SFMBT2: variants seen among roughly 807,000 people sequenced by gnomAD.
SFMBT2 encodes the protein Scm like with four mbt domains 2.
SFMBT2 carries 38 observed loss-of-function variants against 110.1 expected under a neutral mutation model. The observed-to-expected ratio is 0.35, with a 90% confidence interval of 0.27 to 0.45. The LOEUF is 0.45. SFMBT2 is among the 20% of genes least tolerant of loss of function. The probability of loss-of-function intolerance (pLI) is 1.00; values close to 1 mark genes in which losing one functional copy is unlikely to be tolerated. For synonymous variants in SFMBT2, 425 were observed against 425.4 expected (o/e 1.00, Z 0.01); for missense variants, 1,011 against 1,094.9 (o/e 0.92, Z 1.08).
chr10:7,171,440 G>C lies in SFMBT2; in HGVS notation c.2416-384C>G. 1.0e-6 allele frequency: 1 copy of C among 985,466 alleles called. No homozygotes were observed. The highest frequency in any genetic ancestry group is 1.2e-6 in the Non-Finnish European group (1 of 829,938). The allele number at this position is 985,466 out of a possible 1,614,324, so 61.0% of individuals were successfully genotyped here. A position where few individuals can be genotyped will look rare whatever the true frequency, so the allele number is the denominator to read the frequency against. On this transcript the variant is annotated intron_variant, in intron 19 of 20. Transcript: ENST00000397167. This position sits in a 1 kb window ranked among gnomAD's most constrained non-coding sequence, Gnocchi z 4.9. ...CAGTGTTTCTGTAATGGTGGTGCCA[G>C]TGGCCCTTTCTGCTGATCTCACACC... is the stretch of plus-strand genomic sequence containing the variant.
intron 4 of SFMBT2, among the ~76,000 whole-genome samples, chr10:7,351,134 A>C (rs1240788130): frequency 6.6e-6 from 1 of 152,222 alleles, no homozygotes; most frequent in Non-Finnish European, 1.5e-5. Flanking sequence ...CTTCAAAATC[A>C]AGTAATGTGA....
intron 11 of SFMBT2, among the ~76,000 whole-genome samples, chr10:7,208,502 T>C (rs1799100151): frequency 6.6e-6 from 1 of 151,972 alleles, no homozygotes; most frequent in African/African-American, 2.4e-5. Flanking sequence ...CTGCCCAATA[T>C]GGCAAAACCT....
At position 7,170,376 on chromosome 10, in the gene SFMBT2, C is replaced by T. The variant is rs1446640916; in HGVS notation, c.2544+552G>A. On this transcript the variant is annotated intron_variant, in intron 20 of 20. Transcript: ENST00000397167. The surrounding 1 kb of genome is among the most constrained non-coding windows in gnomAD (Gnocchi z 4.6). ...AGCAAGACAAAAAACCGTGAGACAG[C>T]AGCATCTCTTCTGCAGCTGAACATC... Among the ~76,000 whole-genome samples the T allele has an allele frequency of 6.6e-6, 1 of 152,230 alleles. No individual in the cohort carries two copies. The highest frequency in any genetic ancestry group is 1.5e-5 in the Non-Finnish European group (1 of 68,046).
At chr10:7,393,061 C>G (rs866361828) in intron 1 of SFMBT2, among the ~76,000 whole-genome samples, 10 of 127,542 alleles carry the variant, frequency 7.8e-5, no homozygotes, top group Middle Eastern at 5.6e-3. Flanking sequence ...AGACAAGAGT[C>G]TTGCTCCGTC....
chr10:7,202,457 C>A, intron 13 of SFMBT2, 23 bp downstream of exon 13: 1 of 1,613,856 alleles, frequency 6.2e-7, no homozygotes, highest in Non-Finnish European at 8.5e-7. Flanking sequence ...ACAGTGTAGT[C>A]TGGAGGGGAA....
rs532676468 is a variant in SFMBT2, at chr10:7,160,418, T to C, written c.*3352A>G. On this transcript the variant is annotated 3_prime_UTR_variant, in exon 21 of 21. Transcript: ENST00000397167. ...TGTCATGATTCAAGTTGAGGTGGCA[T>C]CTCTTTCTCAGGGTTTTCAAACGGC... The C allele has an allele frequency of 6.6e-6, 1 of 152,298 alleles. No homozygotes were observed. Among genetic ancestry groups the C allele is most frequent in the South Asian group, 2.1e-4 (1 of 4,824 alleles). 9.4% of individuals were successfully genotyped at this position (152,298 alleles called of 1,614,324 possible). A position where few individuals can be genotyped will look rare whatever the true frequency, so the allele number is the denominator to read the frequency against.
chr10:7,295,948 A>T (rs912034243), intron 4 of SFMBT2, among the ~76,000 whole-genome samples: 5 of 152,246 alleles, frequency 3.3e-5, no homozygotes, highest in Non-Finnish European at 7.3e-5. Flanking sequence ...GTTCCCAAGA[A>T]GATCTTAGCA....
intron 1 of SFMBT2, among the ~76,000 whole-genome samples, chr10:7,401,848 C>T (rs958359418): frequency 6.6e-6 from 1 of 152,218 alleles, no homozygotes; most frequent in East Asian, 1.9e-4. Context: ...CTCCACAGTG[C>T]GCCATTCCAC....
At chr10:7,337,264 G>A (rs1349910495) in intron 4 of SFMBT2, among the ~76,000 whole-genome samples, 1 of 152,294 alleles carries the variant, frequency 6.6e-6, no homozygotes. Flanking sequence ...GATAGAAAAC[G>A]TAGGCTGCTC....
intron 6 of SFMBT2, among the ~76,000 whole-genome samples, chr10:7,283,308 A>T (rs1841999354): frequency 6.6e-6 from 1 of 152,232 alleles, no homozygotes; most frequent in South Asian, 2.1e-4. Flanking sequence ...GTGCATTTGA[A>T]GCTAACTAAA....
intron 1 of SFMBT2, among the ~76,000 whole-genome samples, chr10:7,386,387 T>C (rs991794460): frequency 2.6e-5 from 4 of 152,132 alleles, no homozygotes; most frequent in Admixed American, 2.0e-4. Flanking sequence ...GGTGGGCAGA[T>C]TACCTGAGGC....
At chr10:7,201,924 C>A (rs1387175908) in intron 13 of SFMBT2, among the ~76,000 whole-genome samples, 1 of 152,208 alleles carries the variant, frequency 6.6e-6, no homozygotes, top group East Asian at 1.9e-4. Context: ...AAGGCCTACA[C>A]TTCTTTTCAA....
chr10:7,180,643 C>A (rs1036088641), intron 16 of SFMBT2, among the ~76,000 whole-genome samples: 3 of 152,176 alleles, frequency 2.0e-5, no homozygotes, highest in Non-Finnish European at 4.4e-5. Flanking sequence ...CTGCCTTCCC[C>A]TCCCTTCCAA....
intron 6 of SFMBT2, 114 bp from the exon 7 acceptor site, chr10:7,277,103 G>A (rs897111970): frequency 4.9e-5 from 34 of 688,652 alleles, no homozygotes; most frequent in African/African-American, 1.8e-4. Context: ...GTCAGTGACC[G>A]TGAGTGTTCA....
Position 7,158,912 on chromosome 10 carries a change from G to A in SFMBT2, c.*4858C>T, listed in dbSNP as rs924501356. ...TATTCAAACTAGAATGCAAAACAGT[G>A]AAAGAGCTTTCAACAATCACGACGA... On this transcript the variant is annotated 3_prime_UTR_variant, in exon 21 of 21. Transcript: ENST00000397167. 1 of 152,116 alleles carries A rather than the reference G, an allele frequency of 6.6e-6. No homozygotes were observed. Among genetic ancestry groups the A allele is most frequent in the African/African-American group, 2.4e-5 (1 of 41,410 alleles). The allele number at this position is 152,116 out of a possible 1,614,324, so 9.4% of individuals were successfully genotyped here.
At position 7,162,672 on chromosome 10, in the gene SFMBT2, T is replaced by C. The variant is rs1019518216; in HGVS notation, c.*1098A>G. 6.6e-6 allele frequency: 1 copy of C among 152,260 alleles called. No individual in the cohort carries two copies. The allele number at this position is 152,260 out of a possible 1,614,324, so 9.4% of individuals were successfully genotyped here. A position where few individuals can be genotyped will look rare whatever the true frequency, so the allele number is the denominator to read the frequency against. Reference sequence around the variant, plus strand: ...CTCTGAAACTAAGCTTTTCCTTTGATATATAATCCAACATTTGCCTAAAAG... The same window carrying C: ...CTCTGAAACTAAGCTTTTCCTTTGACATATAATCCAACATTTGCCTAAAAG... On this transcript the variant is annotated 3_prime_UTR_variant, in exon 21 of 21. Transcript: ENST00000397167.
chr10:7,194,151 A>C (rs1476835910), intron 15 of SFMBT2, among the ~76,000 whole-genome samples: 1 of 152,044 alleles, frequency 6.6e-6, no homozygotes. Flanking sequence ...CTTCGTTCTG[A>C]GTTTGCTTAT....
chr10:7,176,277 T>G (rs1279278329), intron 16 of SFMBT2, 112 bp from the exon 17 acceptor site: 2 of 1,176,098 alleles, frequency 1.7e-6, no homozygotes, highest in Non-Finnish European at 2.4e-6. Context: ...ACAAAGCATA[T>G]CGCGTGCAGT....
At chr10:7,330,421 C>T (rs1843528559) in intron 4 of SFMBT2, among the ~76,000 whole-genome samples, 1 of 152,108 alleles carries the variant, frequency 6.6e-6, no homozygotes, top group African/African-American at 2.4e-5. Context: ...CGCTTTCATC[C>T]CAGGTGGAGG....
Sources: gnomAD v4.1 joint callset for allele counts (sites outside exome capture counted in the v4.1 genomes callset) on GRCh38, gnomAD v4.1.1 for gene constraint, Gnocchi (gnomAD v3.1) non-coding constraint, MANE v1.5 for transcripts, NCBI Gene and HGNC (gene_info 2026-07-23, HGNC 2026-07-21) for gene names.